CPAMD8: variants seen among roughly 807,000 people sequenced by gnomAD.
CPAMD8 encodes the protein C3 and PZP like alpha-2-macroglobulin domain containing 8.
A neutral mutation model predicts 224.7 loss-of-function variants in CPAMD8; 146 were observed. That is an observed-to-expected ratio of 0.65 (90% CI 0.57 to 0.75). CPAMD8 has a LOEUF of 0.75. Among genes scored for constraint, CPAMD8 ranks in the 30% least tolerant of loss-of-function variants. The pLI, the probability that CPAMD8 is intolerant of heterozygous loss-of-function variation, is 0.00. For synonymous variants in CPAMD8, 966 were observed against 1,044.6 expected, an observed-to-expected ratio of 0.92 and a Z score of 1.45; for missense variants, 2,301 against 2,537.5, an observed-to-expected ratio of 0.91 and a Z score of 2.00.
intron 26 of CPAMD8, among the ~76,000 whole-genome samples, chr19:16,922,405 C>T (rs1250248545): frequency 4.0e-5 from 6 of 150,740 alleles, no homozygotes; most frequent in African/African-American, 1.5e-4. Context: ...AACTGCCCCA[C>T]ATCACATCTA....
In CPAMD8 at chr19:17,004,493, C is replaced by G. The variant is rs1041667513; in HGVS notation, c.560-107G>C. ...TCCTTCTCCTTCCCTGAGCAGCCCC[C>G]CAGGAGAACTGGAGACCACAGAGAA... On this transcript the variant is annotated intron_variant, in intron 7 of 41. Transcript: ENST00000443236. 239 of 693,350 alleles carry G rather than the reference C, an allele frequency of 3.4e-4. 1 individual carries two copies. The East Asian group carries it at 5.9e-3, about 17-fold the overall frequency. 42.9% of individuals were successfully genotyped at this position (693,350 alleles called of 1,614,324 possible).
At chr19:16,901,156 C>T (rs2052239900) in intron 36 of CPAMD8, 54 bp downstream of exon 36, 4 of 1,316,818 alleles carry the variant, frequency 3.0e-6, no homozygotes, top group Middle Eastern at 1.8e-4. Context: ...GTGCCTAAGC[C>T]CTACCTATTG....
rs776925118 is a variant in CPAMD8, at chr19:16,902,749, C to A, written c.4585G>T (p.Ala1529Ser). 15 of 1,596,876 alleles carry A rather than the reference C, an allele frequency of 9.4e-6. No homozygotes were observed. Among genetic ancestry groups the A allele is most frequent in the Non-Finnish European group, 1.3e-5 (15 of 1,168,184 alleles). ...GRPPPMPASA[A>S]EGSRGDWPPA... ...GGCCAGTCTCCTCGGGAACCCTCAG[C>A]TGCGGAGGCAGGCATGGGGGGCGGG... The change falls in exon 35 of 42, where the codon GCT becomes TCT. Residue 1529 changes from alanine to serine, a missense_variant. Ala to Ser is a moderately conservative substitution (Grantham distance 99, BLOSUM62 1). Transcript: ENST00000443236.
chr19:17,012,021 C>T (rs2056668186), intron 3 of CPAMD8, among the ~76,000 whole-genome samples: 1 of 152,044 alleles, frequency 6.6e-6, no homozygotes, highest in South Asian at 2.1e-4. Context: ...CAAACTGCCC[C>T]AAATATCTTT....
intron 18 of CPAMD8, among the ~76,000 whole-genome samples, chr19:16,965,884 G>A (rs1230415628): frequency 6.6e-6 from 1 of 152,116 alleles, no homozygotes; most frequent in African/African-American, 2.4e-5. Context: ...TAACGGATAG[G>A]AAGAATCAAT....
At chr19:16,975,384 G>T in intron 16 of CPAMD8, 126 bp from the exon 17 acceptor site, 1 of 716,326 alleles carries the variant, frequency 1.4e-6, no homozygotes. Context: ...CCAGGAGATG[G>T]GCACTGGTAG....
intron 30 of CPAMD8, among the ~76,000 whole-genome samples, chr19:16,906,407 T>TTTCTCTCTTTCCTTCCTTCC (rs1196710399): frequency 1.4e-5 from 1 of 69,866 alleles, no homozygotes; most frequent in African/African-American, 6.5e-5. Context: ...TCTTTCTTTC[T>TTTCTCTCTTTCCTTCCTTCC]TTCCTTCCTT....
intron 13 of CPAMD8, among the ~76,000 whole-genome samples, chr19:16,989,196 C>T (rs1357160940): frequency 6.6e-6 from 1 of 152,092 alleles, no homozygotes; most frequent in African/African-American, 2.4e-5. Flanking sequence ...GAAACCATCC[C>T]CCGTGCCCGT....
At chr19:17,008,357 G>A (rs2056550111) in intron 7 of CPAMD8, 148 bp downstream of exon 7, 3 of 958,406 alleles carry the variant, frequency 3.1e-6, no homozygotes, top group Non-Finnish European at 4.7e-6. Flanking sequence ...CCTCCCAGGT[G>A]GGTACCTGCC....
chr19:16,959,498 T>C (rs753938739), intron 18 of CPAMD8, among the ~76,000 whole-genome samples: 125 of 151,772 alleles, frequency 8.2e-4, no homozygotes, highest in Non-Finnish European at 8.4e-4. Context: ...TCTAGTTCAG[T>C]GACATTGAGG....
intron 11 of CPAMD8, among the ~76,000 whole-genome samples, chr19:16,994,802 G>A (rs149518850): frequency 6.6e-6 from 1 of 151,794 alleles, no homozygotes; most frequent in East Asian, 1.9e-4. Context: ...ACAAACGTCT[G>A]GCCTATTTCT....
At chr19:16,912,833 A>C (rs1159887685) in intron 29 of CPAMD8, among the ~76,000 whole-genome samples, 1 of 152,206 alleles carries the variant, frequency 6.6e-6, no homozygotes, top group Non-Finnish European at 1.5e-5. Flanking sequence ...GACAATGAGA[A>C]GATTGGAAAG....
intron 26 of CPAMD8, 146 bp downstream of exon 26, chr19:16,925,050 A>G (rs969363958): frequency 1.3e-6 from 1 of 770,342 alleles, no homozygotes; most frequent in African/African-American, 1.7e-5. Flanking sequence ...TGACAAGATC[A>G]GGGCCACCCT....
chr19:16,967,906 T>C (rs2054905614), intron 18 of CPAMD8, among the ~76,000 whole-genome samples: 1 of 151,422 alleles, frequency 6.6e-6, no homozygotes, highest in Admixed American at 6.6e-5. Flanking sequence ...TGTGTATATA[T>C]GTGCATATAT....
At chr19:17,021,940 A>G (rs975720157) in intron 2 of CPAMD8, 90 bp downstream of exon 2, 5 of 1,295,608 alleles carry the variant, frequency 3.9e-6, no homozygotes, top group Admixed American at 2.7e-5. Context: ...AAGCAAAGCA[A>G]CACCCACACT....
chr19:16,908,352 G>C (rs2052601911), intron 29 of CPAMD8, among the ~76,000 whole-genome samples: 1 of 112,290 alleles, frequency 8.9e-6, no homozygotes, highest in Admixed American at 1.0e-4. Context: ...AACAGAGTGA[G>C]ACCTCATCTT....
At chr19:16,961,584 A>G (rs1271009165) in intron 18 of CPAMD8, among the ~76,000 whole-genome samples, 1 of 152,252 alleles carries the variant, frequency 6.6e-6, no homozygotes, top group Non-Finnish European at 1.5e-5. Context: ...CTCTGTGAGC[A>G]GGGCATGGCT....
At chr19:17,005,210 G>A (rs2056453798) in intron 7 of CPAMD8, among the ~76,000 whole-genome samples, 1 of 152,078 alleles carries the variant, frequency 6.6e-6, no homozygotes, top group African/African-American at 2.4e-5. Flanking sequence ...GCCCCTAGGG[G>A]GCAAAGTCAC....
intron 13 of CPAMD8, among the ~76,000 whole-genome samples, chr19:16,985,497 G>A (rs975093944): frequency 1.1e-4 from 16 of 151,714 alleles, no homozygotes; most frequent in Non-Finnish European, 2.1e-4. Flanking sequence ...AGGGCAGACG[G>A]AAGGATGGAT....
Sources: allele counts gnomAD v4.1 joint callset (sites outside exome capture counted in the v4.1 genomes callset), GRCh38; gene constraint gnomAD v4.1.1; transcripts MANE v1.5; gene names NCBI Gene and HGNC (gene_info 2026-07-23, HGNC 2026-07-21).